The following SGCZ variants were observed in gnomAD, a reference collection of about 807,000 sequenced individuals.
SGCZ encodes zeta-sarcoglycan.
Under a neutral mutation model 41.3 loss-of-function variants are expected in SGCZ, and 40 were observed. The ratio of observed to expected loss-of-function variants is 0.97; its 90% CI spans 0.75 to 1.26. SGCZ has a LOEUF of 1.26. Ranked by LOEUF, SGCZ falls within the 50% of genes most tolerant of loss-of-function variation. The probability of loss-of-function intolerance (pLI) is 0.00; values close to 1 mark genes in which losing one functional copy is unlikely to be tolerated. For missense variants in SGCZ, 552 were observed against 369.8 expected, an observed-to-expected ratio of 1.49 and a Z score of -4.04; for synonymous variants, 206 against 137.5, an observed-to-expected ratio of 1.50 and a Z score of -3.49.
At chr8:14,999,825 C>G (rs949710763) in intron 1 of SGCZ, among the ~76,000 whole-genome samples, 5 of 152,134 alleles carry the variant, frequency 3.3e-5, no homozygotes, top group African/African-American at 9.7e-5. Flanking sequence ...AATCGCGGAA[C>G]AGCAAAAAGT....
At chr8:14,496,251 G>T (rs1253304467) in intron 2 of SGCZ, among the ~76,000 whole-genome samples, 1 of 151,126 alleles carries the variant, frequency 6.6e-6, no homozygotes, top group Non-Finnish European at 1.5e-5. Context: ...TTTTTTTTTG[G>T]AGAGACAAAA....
intron 2 of SGCZ, among the ~76,000 whole-genome samples, chr8:14,339,224 A>C (rs1040118645): frequency 6.6e-6 from 1 of 152,216 alleles, no homozygotes; most frequent in Non-Finnish European, 1.5e-5. Flanking sequence ...TGTAAACAAC[A>C]GTAATTGTGT....
chr8:14,938,809 G>A lies in SGCZ; in HGVS notation c.39+298776C>T, dbSNP rs569444620. 1.2e-4 allele frequency among the ~76,000 whole-genome samples: 18 copies of A among 151,880 alleles called. 1 individual carries two copies. The South Asian group carries it at 3.3e-3, about 28-fold the overall frequency. The stretch of plus-strand genomic sequence containing the variant: ...AGTAGGAGATAAGCTGTGGTACAAT[G>A]ATAATTTTTTTTTTTTACATCTTTA... On this transcript the variant is annotated intron_variant, in intron 1 of 7. Transcript: ENST00000382080.
intron 1 of SGCZ, among the ~76,000 whole-genome samples, chr8:15,157,024 T>C (rs574207688): frequency 5.9e-5 from 9 of 151,938 alleles, no homozygotes; most frequent in African/African-American, 2.2e-4. Context: ...AATAGTTTCT[T>C]TTCTCTGGGA....
intron 1 of SGCZ, among the ~76,000 whole-genome samples, chr8:14,648,757 A>G (rs1320468629): frequency 6.6e-6 from 1 of 152,046 alleles, no homozygotes; most frequent in African/African-American, 2.4e-5. Flanking sequence ...CATAGTTCAG[A>G]CTACATAAAA....
At chr8:14,853,963 A>C (rs1313707430) in intron 1 of SGCZ, among the ~76,000 whole-genome samples, 1 of 146,806 alleles carries the variant, frequency 6.8e-6, no homozygotes, top group Admixed American at 6.9e-5. Context: ...CAAAGGTCGA[A>C]ATTTGCCTAC....
At chr8:14,685,193 C>A (rs546203001) in intron 1 of SGCZ, among the ~76,000 whole-genome samples, 2 of 151,968 alleles carry the variant, frequency 1.3e-5, no homozygotes, top group Non-Finnish European at 2.9e-5. Flanking sequence ...GCTTGTATTT[C>A]ATGATGGAGC....
chr8:14,733,390 G>C (rs756968607), intron 1 of SGCZ, among the ~76,000 whole-genome samples: 1 of 152,038 alleles, frequency 6.6e-6, no homozygotes, highest in Non-Finnish European at 1.5e-5. Context: ...TCCCCATATG[G>C]CCCTGCCTGA....
intron 3 of SGCZ, among the ~76,000 whole-genome samples, chr8:14,259,235 G>C (rs2117228458): frequency 6.6e-6 from 1 of 152,136 alleles, no homozygotes; most frequent in Admixed American, 6.5e-5. Context: ...AATAGAATTG[G>C]ACCCACAAAA....
intron 2 of SGCZ, among the ~76,000 whole-genome samples, chr8:14,358,527 G>T (rs1803376910): frequency 6.6e-6 from 1 of 151,980 alleles, no homozygotes; most frequent in African/African-American, 2.4e-5. Flanking sequence ...TATTAAACAG[G>T]TTATTAAAAC....
At chr8:14,374,549 A>G (rs1219545913) in intron 2 of SGCZ, among the ~76,000 whole-genome samples, 1 of 149,950 alleles carries the variant, frequency 6.7e-6, no homozygotes, top group Non-Finnish European at 1.5e-5. Flanking sequence ...ATAAAGAGAG[A>G]AAAGTATAAA....
At chr8:14,507,765 T>C (rs1181007321) in intron 2 of SGCZ, among the ~76,000 whole-genome samples, 1 of 66,490 alleles carries the variant, frequency 1.5e-5, no homozygotes, top group Non-Finnish European at 2.8e-5. Context: ...TGTTTGTTTT[T>C]TTGTTTTTGT....
chr8:14,771,942 CTATT>C (rs1800254293), intron 1 of SGCZ, among the ~76,000 whole-genome samples: 1 of 151,954 alleles, frequency 6.6e-6, no homozygotes, highest in Non-Finnish European at 1.5e-5. Context: ...TATATGATAT[CTATT>C]TGATTTCATA....
At chr8:14,536,027 T>C (rs12335007) in intron 2 of SGCZ, among the ~76,000 whole-genome samples, 38,217 of 151,702 alleles carry the variant, frequency 0.25, 4,987 homozygotes, top group Middle Eastern at 0.35. Context: ...CTTTGGCAGA[T>C]ACAAGTTTAA....
At chr8:14,930,513 T>G (rs747240956) in intron 1 of SGCZ, among the ~76,000 whole-genome samples, 3 of 151,966 alleles carry the variant, frequency 2.0e-5, no homozygotes, top group Non-Finnish European at 4.4e-5. Flanking sequence ...TATAAATCAT[T>G]CTACTATAAA....
intron 1 of SGCZ, among the ~76,000 whole-genome samples, chr8:14,680,372 G>C (rs1324012525): frequency 2.0e-5 from 3 of 152,120 alleles, no homozygotes; most frequent in Admixed American, 1.3e-4. Flanking sequence ...TGATATGTCA[G>C]TATAGGTTAA....
At chr8:14,453,305 G>A (rs1800651160) in intron 2 of SGCZ, among the ~76,000 whole-genome samples, 1 of 152,072 alleles carries the variant, frequency 6.6e-6, no homozygotes, top group Non-Finnish European at 1.5e-5. Context: ...TCTAATTAAA[G>A]TTTATTTAAA....
intron 1 of SGCZ, among the ~76,000 whole-genome samples, chr8:15,203,781 A>G (rs1800972155): frequency 6.6e-6 from 1 of 152,220 alleles, no homozygotes; most frequent in African/African-American, 2.4e-5. Flanking sequence ...CTTGTCCATC[A>G]AAGGAAATAT....
intron 1 of SGCZ, among the ~76,000 whole-genome samples, chr8:14,844,484 A>G (rs1453303215): frequency 1.3e-5 from 2 of 152,152 alleles, no homozygotes; most frequent in African/African-American, 4.8e-5. Context: ...TTCAAATGCT[A>G]TGGTGTCATT....
Sources: gnomAD v4.1 joint callset for allele counts (sites outside exome capture counted in the v4.1 genomes callset) on GRCh38, gnomAD v4.1.1 for gene constraint, MANE v1.5 for transcripts, NCBI Gene and HGNC (gene_info 2026-07-23, HGNC 2026-07-21) for gene names.